The following DBNDD1 variants were observed in gnomAD, a reference collection of about 807,000 sequenced individuals.
The protein encoded by DBNDD1 is dysbindin domain containing 1, also known as dysbindin domain-containing protein 1.
DBNDD1 carries 14 observed loss-of-function variants against 17.0 expected under a neutral mutation model. That is an observed-to-expected ratio of 0.82 (90% confidence interval 0.54 to 1.29). The LOEUF (loss-of-function observed/expected upper bound fraction) is 1.29, where lower values mean the gene tolerates loss of function less well. Ranked by LOEUF, DBNDD1 falls within the 50% of genes most tolerant of loss-of-function variation. The pLI is 0.00. For missense variants in DBNDD1, 221 were observed against 216.2 expected, an observed-to-expected ratio of 1.02 and a Z score of -0.14; for synonymous variants, 105 against 102.0, an observed-to-expected ratio of 1.03 and a Z score of -0.18.
At position 90,006,284 on chromosome 16, in the gene DBNDD1, C is replaced by A; in HGVS notation, c.*51G>T. ...GCTGGGTCAGCACTGCCCAGATCTG[C>A]CATCGTGTTCGGACCCCATCCCTGC... On this transcript the variant is annotated 3_prime_UTR_variant, in exon 4 of 4. Transcript: ENST00000002501. 1 of 1,555,498 alleles carries A rather than the reference C, an allele frequency of 6.4e-7. No individual in the cohort carries two copies.
intron 1 of DBNDD1, among the ~76,000 whole-genome samples, chr16:90,014,313 G>A (rs2035603302): frequency 6.6e-6 from 1 of 152,142 alleles, no homozygotes; most frequent in Non-Finnish European, 1.5e-5. Context: ...CTTTAGTAGA[G>A]ATGGGGTTTC....
At chr16:90,013,558 C>G (rs759938825) in intron 1 of DBNDD1, among the ~76,000 whole-genome samples, 1 of 152,154 alleles carries the variant, frequency 6.6e-6, no homozygotes, top group Non-Finnish European at 1.5e-5. Context: ...CAGGGCCCAG[C>G]AGAGGGAGCA....
upstream of DBNDD1, chr16:90,019,695 C>T (rs1193668776): frequency 1.8e-6 from 1 of 568,260 alleles, no homozygotes; most frequent in Non-Finnish European, 3.1e-6. The surrounding 1 kb of genome is among the most constrained non-coding windows in gnomAD (Gnocchi z 6.1). Context: ...CCTCCCGACC[C>T]CGGCCGGGCG....
In DBNDD1 at chr16:90,019,442, G is replaced by T; in HGVS notation, c.-101C>A. 1.6e-6 allele frequency: 1 copy of T among 638,638 alleles called. No homozygotes were observed. The highest frequency in any genetic ancestry group is 2.1e-6 in the Non-Finnish European group (1 of 482,358). The allele number at this position is 638,638 out of a possible 1,614,324, so 39.6% of individuals were successfully genotyped here. A position where few individuals can be genotyped will look rare whatever the true frequency, so the allele number is the denominator to read the frequency against. Reference sequence around the variant, plus strand: ...CGACTCGGCCCCGGCTCCGGGCGCAGCGCATCGGGGCAGCAACCGGGGGGC... The same window carrying T: ...CGACTCGGCCCCGGCTCCGGGCGCATCGCATCGGGGCAGCAACCGGGGGGC... On this transcript the variant is annotated 5_prime_UTR_variant, in exon 1 of 4. The change creates a new upstream start codon in the 5' untranslated region. Coordinates refer to ENST00000002501, the MANE Select transcript of DBNDD1 (RefSeq NM_001042610.3). This position sits in a 1 kb window ranked among gnomAD's most constrained non-coding sequence, Gnocchi z 6.1.
chr16:90,008,786 G>T lies in DBNDD1; in HGVS notation c.317C>A (p.Ala106Glu). Residue 106 changes from alanine to glutamate, a missense_variant and splice_region_variant, in exon 3 of 4, where the codon GCA becomes GAA. Transcript: ENST00000002501. ...CCCAGCCCTGATGCCGGCCTCACCT[G>T]CTGGGGACTCGGTGTTGAGGTTCTC... ...DDENLNTESP[A>E]GLHPLPRAGY... 1.3e-6 allele frequency: 2 copies of T among 1,594,930 alleles called. No homozygotes were observed. The highest frequency in any genetic ancestry group is 1.7e-6 in the Non-Finnish European group (2 of 1,167,402).
At position 90,019,418 on chromosome 16, in the gene DBNDD1, G is replaced by C; in HGVS notation, c.-77C>G. The C allele has an allele frequency of 1.0e-6, 1 of 953,338 alleles. No individual in the cohort carries two copies. The allele number at this position is 953,338 out of a possible 1,614,324, so 59.1% of individuals were successfully genotyped here. A position where few individuals can be genotyped will look rare whatever the true frequency, so the allele number is the denominator to read the frequency against. ...CGGGCGCCCCAACAGCTGCGGCAGC[G>C]ACTCGGCCCCGGCTCCGGGCGCAGC... On this transcript the variant is annotated 5_prime_UTR_variant, in exon 1 of 4. Transcript: ENST00000002501. The surrounding 1 kb of genome is among the most constrained non-coding windows in gnomAD (Gnocchi z 6.1).
chr16:90,014,265 T>G lies in DBNDD1; in HGVS notation c.32-4835A>C, dbSNP rs538174103. Among the ~76,000 whole-genome samples, 118 of 152,120 alleles carry G rather than the reference T, an allele frequency of 7.8e-4. 1 individual carries two copies. Among genetic ancestry groups the G allele is most frequent in the Middle Eastern group, 3.4e-3 (1 of 294 alleles). On this transcript the variant is annotated intron_variant, in intron 1 of 3. Coordinates refer to ENST00000002501, the MANE Select transcript of DBNDD1 (RefSeq NM_001042610.3). Reference sequence around the variant, plus strand: ...CCTCAGCCTCCCAAGTAGCTGGGATTACAGGCGTGCGCCACCATGCCTGGC... The same window carrying G: ...CCTCAGCCTCCCAAGTAGCTGGGATGACAGGCGTGCGCCACCATGCCTGGC...
Position 90,005,756 on chromosome 16 carries a change from A to T in DBNDD1, c.*579T>A, listed in dbSNP as rs1242616797. On this transcript the variant is annotated 3_prime_UTR_variant, in exon 4 of 4. Transcript: ENST00000002501. ...TAGTGAGACAGCGCCTCCGTGGAGT[A>T]GAAGAAGGGGCAGGATGGAAATCAA... The T allele has an allele frequency of 6.5e-6, 1 of 153,870 alleles. No homozygotes were observed. The highest frequency in any genetic ancestry group is 2.4e-5 in the African/African-American group (1 of 41,454). The allele number at this position is 153,870 out of a possible 1,614,324, so 9.5% of individuals were successfully genotyped here. A position where few individuals can be genotyped will look rare whatever the true frequency, so the allele number is the denominator to read the frequency against.
In DBNDD1 at chr16:90,008,818, C is replaced by G. The variant is rs4362387; in HGVS notation, c.285G>C (p.Ser95=). The G allele has an allele frequency of 6.2e-7, 1 of 1,602,644 alleles. No individual in the cohort carries two copies. Among genetic ancestry groups the G allele is most frequent in the Non-Finnish European group, 8.5e-7 (1 of 1,172,292 alleles). ...ACTCGGTGTTGAGGTTCTCGTCGTCCGAGTCAGCAAAGACCTCGGCCAGCT... is the reference window on the plus strand; with the variant it reads ...ACTCGGTGTTGAGGTTCTCGTCGTCGGAGTCAGCAAAGACCTCGGCCAGCT... The part of the protein sequence containing the change: ...DQELAEVFAD[S]DDENLNTESP... Residue 95 remains serine, a synonymous_variant, in exon 3 of 4, where the codon TCG becomes TCC. Transcript: ENST00000002501.
At chr16:90,012,139 G>C (rs1259284099) in intron 1 of DBNDD1, among the ~76,000 whole-genome samples, 1 of 152,240 alleles carries the variant, frequency 6.6e-6, no homozygotes, top group Non-Finnish European at 1.5e-5. Flanking sequence ...CCGGCCCTGA[G>C]GGTGCGGCAG....
chr16:90,005,984 C>T lies in DBNDD1; in HGVS notation c.*351G>A. 1 of 227,310 alleles carries T rather than the reference C, an allele frequency of 4.4e-6. No homozygotes were observed. Among genetic ancestry groups the T allele is most frequent in the Non-Finnish European group, 9.1e-6 (1 of 109,582 alleles). The allele number at this position is 227,310 out of a possible 1,614,324, so 14.1% of individuals were successfully genotyped here. A position where few individuals can be genotyped will look rare whatever the true frequency, so the allele number is the denominator to read the frequency against. On this transcript the variant is annotated 3_prime_UTR_variant, in exon 4 of 4. Coordinates refer to ENST00000002501, the MANE Select transcript of DBNDD1 (RefSeq NM_001042610.3). ...AAGGCCGCCGTGGGCCACTCCATTCCTCAGCACGTTCCTGGCAGTGACTCC... is the reference window on the plus strand; with the variant it reads ...AAGGCCGCCGTGGGCCACTCCATTCTTCAGCACGTTCCTGGCAGTGACTCC...
intron 1 of DBNDD1, among the ~76,000 whole-genome samples, chr16:90,016,071 C>A (rs1005926472): frequency 6.6e-6 from 1 of 152,134 alleles, no homozygotes; most frequent in Non-Finnish European, 1.5e-5. Flanking sequence ...TAGGCAAAGC[C>A]GGGAGGAAAT....
chr16:90,006,309 C>T lies in DBNDD1; in HGVS notation c.*26G>A, dbSNP rs763189397. 1.3e-6 allele frequency: 2 copies of T among 1,588,886 alleles called. No homozygotes were observed. Among genetic ancestry groups the T allele is most frequent in the Non-Finnish European group, 1.7e-6 (2 of 1,167,104 alleles). On this transcript the variant is annotated 3_prime_UTR_variant, in exon 4 of 4. Transcript: ENST00000002501. ...CCATCGTGTTCGGACCCCATCCCTG[C>T]AGGAGCTGGGGCAGGTGGAGATGGT...
chr16:90,009,228 C>G, intron 2 of DBNDD1, 56 bp downstream of exon 2: 1 of 1,603,468 alleles, frequency 6.2e-7, no homozygotes. Context: ...TGCCTTGTCT[C>G]TTGGGGGAGC....
chr16:90,009,652 C>G (rs889752647), intron 1 of DBNDD1: 9 of 665,060 alleles, frequency 1.4e-5, no homozygotes, highest in Non-Finnish European at 2.0e-5. Flanking sequence ...CCTGGCCTCC[C>G]CTAGTGAACA....
chr16:90,006,720 G>T, intron 3 of DBNDD1: 1 of 590,194 alleles, frequency 1.7e-6, no homozygotes, highest in Non-Finnish European at 3.0e-6. Flanking sequence ...GGTCTTTTCT[G>T]GTGCTCCCCG....
At chr16:90,014,072 G>A (rs1019884625) in intron 1 of DBNDD1, among the ~76,000 whole-genome samples, 1 of 152,122 alleles carries the variant, frequency 6.6e-6, no homozygotes, top group South Asian at 2.1e-4. Context: ...GAGAGAAGCC[G>A]TTGAAGGGTT....
Position 90,006,093 on chromosome 16 carries a change from G to A in DBNDD1, c.*242C>T. On this transcript the variant is annotated 3_prime_UTR_variant, in exon 4 of 4. Coordinates refer to ENST00000002501, the MANE Select transcript of DBNDD1 (RefSeq NM_001042610.3). The stretch of plus-strand genomic sequence containing the variant: ...TGTGCTTGTGCTGGGGCTCCCAGAG[G>A]CATCCGGGGGCCCCGTGTGTCCCCC... 1 of 511,332 alleles carries A rather than the reference G, an allele frequency of 2.0e-6. No individual in the cohort carries two copies. 31.7% of individuals were successfully genotyped at this position (511,332 alleles called of 1,614,324 possible).
chr16:90,014,537 A>G (rs1315713078), intron 1 of DBNDD1, among the ~76,000 whole-genome samples: 1 of 152,144 alleles, frequency 6.6e-6, no homozygotes, highest in African/African-American at 2.4e-5. Flanking sequence ...CCTCAGCCAA[A>G]CAGCAATCCC....
Sources: allele counts gnomAD v4.1 joint callset (sites outside exome capture counted in the v4.1 genomes callset), GRCh38; gene constraint gnomAD v4.1.1; non-coding constraint Gnocchi (gnomAD v3.1); transcripts MANE v1.5; gene names NCBI Gene and HGNC (gene_info 2026-07-23, HGNC 2026-07-21).